The following NRXN1 variants were observed in gnomAD, a reference collection of about 807,000 sequenced individuals.
NRXN1 encodes the protein neurexin 1.
A neutral mutation model predicts 150.9 loss-of-function variants in NRXN1; 39 were observed. The ratio of observed to expected loss-of-function variants is 0.26; its 90% CI spans 0.20 to 0.34. The LOEUF is 0.34. Among genes scored for constraint, NRXN1 ranks in the 10% least tolerant of loss-of-function variants. The pLI is 1.00. For missense variants in NRXN1, 1,815 were observed against 1,949.9 expected (o/e 0.93, Z 1.30); for synonymous variants, 924 against 757.0 (o/e 1.22, Z -3.62).
intron 5 of NRXN1, chr2:50,757,949 G>C (rs576939479): frequency 6.6e-6 from 1 of 151,840 alleles, no homozygotes; most frequent in East Asian, 2.0e-4. Flanking sequence ...AGGACCTCCT[G>C]ACACATTCAC....
intron 4 of NRXN1, chr2:50,922,387 A>G: frequency 1.8e-6 from 1 of 565,094 alleles, no homozygotes; most frequent in Non-Finnish European, 3.2e-6. Context: ...AAGTATATAG[A>G]AACTTTCAAT....
rs1346030248 is a variant in NRXN1 at position 49,922,139 on chromosome 2, C to A, written c.4329G>T (p.Leu1443=). The change falls in exon 23 of 23, where the codon CTG becomes CTT. Residue 1443 remains leucine, a synonymous_variant. Coordinates refer to ENST00000401669, the MANE Select transcript of NRXN1 (RefSeq NM_001330078.2). Reference sequence around the variant, plus strand: ...TGGCATAGAGGAGGATAAGGATGCACAGGGCGGCAGCGGCTACTATCCCAA... The same window carrying A: ...TGGCATAGAGGAGGATAAGGATGCAAAGGGCGGCAGCGGCTACTATCCCAA... ...MVVGIVAAAA[L]CILILLYAMY... The A allele has an allele frequency of 1.2e-6, 2 of 1,614,010 alleles. No homozygotes were observed. Among genetic ancestry groups the A allele is most frequent in the Non-Finnish European group, 1.7e-6 (2 of 1,180,030 alleles).
intron 2 of NRXN1, among the ~76,000 whole-genome samples, chr2:51,025,992 TCTC>T (rs1335523709): frequency 6.6e-6 from 1 of 151,738 alleles, no homozygotes; most frequent in African/African-American, 2.4e-5. Flanking sequence ...GCTACAGAAG[TCTC>T]CTAAAGACCA....
intron 2 of NRXN1, among the ~76,000 whole-genome samples, chr2:51,001,286 C>T (rs1053807057): frequency 5.3e-5 from 8 of 150,336 alleles, no homozygotes; most frequent in Non-Finnish European, 1.2e-4. Flanking sequence ...CTAGAAAAGG[C>T]AATTGTGTTT....
rs2072251804 is a variant in NRXN1, at chr2:50,286,865, T to C, written c.3365-49895A>G. The stretch of plus-strand genomic sequence containing the variant: ...CTTTTGATAAATGGGAAATTATTTT[T>C]AGCTCCTAAGATACAGCCTGGCTTT... On this transcript the variant is annotated intron_variant, in intron 17 of 22. Transcript: ENST00000401669. 1.3e-5 allele frequency among the ~76,000 whole-genome samples: 2 copies of C among 152,156 alleles called. 1 individual carries two copies. Among genetic ancestry groups the C allele is most frequent in the South Asian group, 4.1e-4 (2 of 4,832 alleles).
intron 12 of NRXN1, among the ~76,000 whole-genome samples, chr2:50,511,001 T>C (rs935886539): frequency 6.6e-6 from 1 of 152,010 alleles, no homozygotes; most frequent in African/African-American, 2.4e-5. Context: ...GACGTCCCCA[T>C]TGTCACAACT....
chr2:50,259,278 T>A (rs2068019089), intron 17 of NRXN1, among the ~76,000 whole-genome samples: 2 of 151,564 alleles, frequency 1.3e-5, no homozygotes, highest in Admixed American at 1.3e-4. Flanking sequence ...TTTAGCTAAA[T>A]TTTTTTTTAT....
At chr2:50,496,503 T>A (rs936061836) in intron 14 of NRXN1, among the ~76,000 whole-genome samples, 3 of 152,192 alleles carry the variant, frequency 2.0e-5, no homozygotes, top group Admixed American at 6.5e-5. Context: ...GAACGTGTAC[T>A]CATCCTTCAA....
At chr2:50,943,870 G>A (rs941846456) in intron 2 of NRXN1, among the ~76,000 whole-genome samples, 4 of 152,140 alleles carry the variant, frequency 2.6e-5, no homozygotes, top group African/African-American at 9.7e-5. Context: ...TACTATAATT[G>A]TATTTCCTCA....
chr2:50,517,799 C>T (rs547599340), intron 12 of NRXN1, among the ~76,000 whole-genome samples: 2 of 152,224 alleles, frequency 1.3e-5, no homozygotes, highest in Middle Eastern at 3.4e-3. Context: ...AAACACAGAT[C>T]TTGTCCTCAA....
chr2:50,018,295 CTA>C (rs770842266), intron 21 of NRXN1, among the ~76,000 whole-genome samples: 1 of 152,132 alleles, frequency 6.6e-6, no homozygotes, highest in South Asian at 2.1e-4. Context: ...CATTAATGAG[CTA>C]TGTATTCAGG....
chr2:50,703,256 G>A (rs906016394), intron 5 of NRXN1, among the ~76,000 whole-genome samples: 19 of 152,040 alleles, frequency 1.2e-4, no homozygotes, highest in African/African-American at 4.6e-4. Context: ...CAGAATGAGG[G>A]AAAGGGGAGA....
Position 50,347,424 on chromosome 2 carries a change from G to A in NRXN1, c.3365-110454C>T. The A allele has an allele frequency of 8.7e-7, 1 of 1,149,362 alleles. No individual in the cohort carries two copies. The highest frequency in any genetic ancestry group is 1.1e-6 in the Non-Finnish European group (1 of 921,290). 71.2% of individuals were successfully genotyped at this position (1,149,362 alleles called of 1,614,324 possible). On this transcript the variant is annotated intron_variant, in intron 17 of 22. Transcript: ENST00000401669. This position sits in a 1 kb window ranked among gnomAD's most constrained non-coding sequence, Gnocchi z 4.9. The stretch of plus-strand genomic sequence containing the variant: ...CATTTAGCTTTGTGTGCGGGGACTA[G>A]GGAGGCCACTTCGCCGGCCCAACCT...
In NRXN1 at chr2:50,474,880, G is replaced by C. The variant is rs2089865070; in HGVS notation, c.3071-2409C>G. Among the ~76,000 whole-genome samples, 4 of 130,154 alleles carry C rather than the reference G, an allele frequency of 3.1e-5. No individual in the cohort carries two copies. In the Admixed American group the frequency reaches 3.7e-4, roughly 12 times the overall value. 85.4% of individuals were successfully genotyped at this position (130,154 alleles called of 152,430 possible). A position where few individuals can be genotyped will look rare whatever the true frequency, so the allele number is the denominator to read the frequency against. On this transcript the variant is annotated intron_variant, in intron 15 of 22. Coordinates refer to ENST00000401669, the MANE Select transcript of NRXN1 (RefSeq NM_001330078.2). Reference sequence around the variant, plus strand: ...AGTACAGTAGAACTCACCCCATTGAGTTATTTAGATATGACACAAGAAAAA... The same window carrying C: ...AGTACAGTAGAACTCACCCCATTGACTTATTTAGATATGACACAAGAAAAA...
At chr2:50,559,492 T>G (rs1395805806) in intron 8 of NRXN1, among the ~76,000 whole-genome samples, 1 of 152,236 alleles carries the variant, frequency 6.6e-6, no homozygotes, top group Non-Finnish European at 1.5e-5. Context: ...TATGCCTAGT[T>G]CCACAGAACA....
chr2:50,799,542 T>TA (rs1282055080), intron 5 of NRXN1, among the ~76,000 whole-genome samples: 2 of 152,128 alleles, frequency 1.3e-5, no homozygotes, highest in African/African-American at 4.8e-5. Flanking sequence ...CTTATGATGG[T>TA]AAGAAAGTGA....
intron 18 of NRXN1, among the ~76,000 whole-genome samples, chr2:50,125,959 A>G (rs1361117350): frequency 1.3e-5 from 2 of 152,126 alleles, no homozygotes; most frequent in Non-Finnish European, 2.9e-5. Context: ...AATTATGAGT[A>G]ACTTATACGT....
chr2:50,898,493 C>G, intron 5 of NRXN1: 1 of 374,704 alleles, frequency 2.7e-6, no homozygotes, highest in East Asian at 8.6e-5. Flanking sequence ...CTATTGGTTA[C>G]CAATAATTAT....
At chr2:50,536,924 T>C (rs934804714) in intron 10 of NRXN1, among the ~76,000 whole-genome samples, 2 of 152,190 alleles carry the variant, frequency 1.3e-5, no homozygotes, top group African/African-American at 4.8e-5. Context: ...AGAATGAATA[T>C]ATCTGTATCT....
Sources: allele counts gnomAD v4.1 joint callset (sites outside exome capture counted in the v4.1 genomes callset), GRCh38; gene constraint gnomAD v4.1.1; non-coding constraint Gnocchi (gnomAD v3.1); transcripts MANE v1.5; gene names NCBI Gene and HGNC (gene_info 2026-07-23, HGNC 2026-07-21).